The following NAV3 variants were observed in gnomAD, a reference collection of about 807,000 sequenced individuals.
NAV3 encodes the protein pore membrane and/or filament interacting like protein 1.
In NAV3, 87 loss-of-function variants were observed where a neutral mutation model predicts 244.7. The ratio of observed to expected loss-of-function variants is 0.36; its 90% CI spans 0.30 to 0.42. NAV3 has a LOEUF of 0.42. Among genes scored for constraint, NAV3 ranks in the 20% least tolerant of loss-of-function variants. The pLI, the probability that NAV3 is intolerant of heterozygous loss-of-function variation, is 1.00. For synonymous variants in NAV3, 1,126 were observed against 1,042.2 expected, an observed-to-expected ratio of 1.08 and a Z score of -1.55; for missense variants, 2,663 against 2,893.3, an observed-to-expected ratio of 0.92 and a Z score of 1.83.
intron 7 of NAV3, among the ~76,000 whole-genome samples, chr12:77,999,784 C>T (rs910523314): frequency 1.3e-5 from 2 of 151,354 alleles, no homozygotes; most frequent in Non-Finnish European, 2.9e-5. Flanking sequence ...AGGTGACAGT[C>T]GCTCATCAGA....
At chr12:78,053,133 A>G (rs1057000031) in intron 11 of NAV3, among the ~76,000 whole-genome samples, 2 of 151,758 alleles carry the variant, frequency 1.3e-5, no homozygotes, top group Non-Finnish European at 2.9e-5. Context: ...GAACCACCTG[A>G]AACCGGGAGG....
intron 2 of NAV3, among the ~76,000 whole-genome samples, chr12:77,685,473 GCACACACACACACACACA>G (rs778398842): frequency 2.3e-5 from 1 of 42,594 alleles, no homozygotes; most frequent in African/African-American, 4.8e-5. Context: ...GCATACACAT[GCACACACACACACACACA>G]CACACACACA....
At chr12:78,151,000 C>T (rs894527428) in intron 22 of NAV3, among the ~76,000 whole-genome samples, 10 of 151,336 alleles carry the variant, frequency 6.6e-5, no homozygotes, top group East Asian at 3.9e-4. Context: ...TAAAATATCA[C>T]GAAGAAGAGC....
chr12:77,720,527 T>C (rs1461458202), intron 2 of NAV3, among the ~76,000 whole-genome samples: 4 of 152,104 alleles, frequency 2.6e-5, no homozygotes, highest in African/African-American at 9.7e-5. Flanking sequence ...CAGCTCTCCA[T>C]TCTTTTCAGC....
At chr12:77,810,543 A>G (rs772471753) in intron 2 of NAV3, among the ~76,000 whole-genome samples, 2 of 152,220 alleles carry the variant, frequency 1.3e-5, no homozygotes, top group African/African-American at 2.4e-5. Flanking sequence ...TTAAATTGAC[A>G]CATTATTCCA....
chr12:77,903,336 G>A (rs941141233), intron 1 of NAV3, among the ~76,000 whole-genome samples: 11 of 152,096 alleles, frequency 7.2e-5, no homozygotes, highest in African/African-American at 2.7e-4. Flanking sequence ...CAGAAATAAT[G>A]CCGCATATCT....
In NAV3 at chr12:78,059,036, C is replaced by A. The variant is rs1883918698; in HGVS notation, c.2557C>A (p.Leu853Met). 6.2e-7 allele frequency: 1 copy of A among 1,610,452 alleles called. No homozygotes were observed. The highest frequency in any genetic ancestry group is 8.5e-7 in the Non-Finnish European group (1 of 1,178,264). Residue 853 changes from leucine (L) to methionine (M), a missense_variant, in exon 12 of 40, where the codon CTG becomes ATG. By Grantham distance (15) the Leu-to-Met change is conservative (BLOSUM62 2). Transcript: ENST00000397909. ...AGGACTTAACCTATATACTAGAAGT[C>A]TGAACCGAATACCAGACACAGCAAC... ...DGGLNLYTRS[L>M]NRIPDTATSR...
intron 5 of NAV3, among the ~76,000 whole-genome samples, chr12:77,984,362 C>G (rs1015958419): frequency 2.6e-5 from 4 of 152,036 alleles, no homozygotes; most frequent in Admixed American, 1.3e-4. Flanking sequence ...TAAGTGAGAA[C>G]CAAGGGATGT....
At chr12:78,021,647 A>G (rs929443620) in intron 8 of NAV3, 100 bp from the exon 9 acceptor site, 2 of 772,246 alleles carry the variant, frequency 2.6e-6, no homozygotes, top group African/African-American at 1.7e-5. Flanking sequence ...ACTTACCTTG[A>G]TGGAAAATTT....
At chr12:77,940,294 C>A (rs1262304380) in intron 1 of NAV3, 25 bp from the exon 2 acceptor site, 1 of 1,570,264 alleles carries the variant, frequency 6.4e-7, no homozygotes, top group Non-Finnish European at 8.7e-7. Context: ...CCCCATCTCA[C>A]TTTTTCCTTC....
At chr12:78,098,623 A>G (rs1028878597) in intron 12 of NAV3, among the ~76,000 whole-genome samples, 6 of 152,070 alleles carry the variant, frequency 3.9e-5, no homozygotes, top group East Asian at 1.9e-4. Context: ...AGAAAGATTT[A>G]TGGAGTTGAC....
intron 2 of NAV3, among the ~76,000 whole-genome samples, chr12:77,650,045 T>C (rs1872757772): frequency 6.6e-6 from 1 of 152,198 alleles, no homozygotes; most frequent in Non-Finnish European, 1.5e-5. Context: ...TAAGTTTGCC[T>C]TCCCTAGATT....
At chr12:77,886,128 G>T (rs1051329190) in intron 1 of NAV3, among the ~76,000 whole-genome samples, 14 of 152,142 alleles carry the variant, frequency 9.2e-5, no homozygotes, top group South Asian at 4.1e-4. Context: ...TTCAACTGCT[G>T]CCTGAGAAAT....
intron 11 of NAV3, among the ~76,000 whole-genome samples, chr12:78,055,994 T>C (rs1883445961): frequency 6.6e-6 from 1 of 152,202 alleles, no homozygotes; most frequent in African/African-American, 2.4e-5. Flanking sequence ...CTAACATCTT[T>C]CAAAAAAGTC....
intron 1 of NAV3, among the ~76,000 whole-genome samples, chr12:77,895,149 G>A (rs985099119): frequency 8.6e-5 from 13 of 151,986 alleles, no homozygotes; most frequent in African/African-American, 3.1e-4. Flanking sequence ...AATTCTCACA[G>A]ATTCACCTAA....
intron 3 of NAV3, among the ~76,000 whole-genome samples, chr12:77,944,327 T>G (rs1318898344): frequency 2.6e-5 from 4 of 152,094 alleles, no homozygotes; most frequent in African/African-American, 9.7e-5. Flanking sequence ...CCTAGATGCT[T>G]TATGGGGATT....
intron 1 of NAV3, among the ~76,000 whole-genome samples, chr12:77,855,811 T>C (rs1006407711): frequency 6.6e-6 from 1 of 152,188 alleles, no homozygotes; most frequent in South Asian, 2.1e-4. Flanking sequence ...TGCCAGCACA[T>C]TGCAGATACG....
intron 2 of NAV3, among the ~76,000 whole-genome samples, chr12:77,652,388 T>A (rs1489527092): frequency 6.6e-6 from 1 of 152,202 alleles, no homozygotes; most frequent in Non-Finnish European, 1.5e-5. Flanking sequence ...CTCTTTATTG[T>A]ACTACTTCTG....
At chr12:78,064,392 T>C (rs958805472) in intron 12 of NAV3, among the ~76,000 whole-genome samples, 1 of 147,888 alleles carries the variant, frequency 6.8e-6, no homozygotes, top group African/African-American at 2.5e-5. Context: ...CATCTATCTA[T>C]CTGTGTCTGT....
Sources: allele counts gnomAD v4.1 joint callset (sites outside exome capture counted in the v4.1 genomes callset), GRCh38; gene constraint gnomAD v4.1.1; transcripts MANE v1.5; gene names NCBI Gene and HGNC (gene_info 2026-07-23, HGNC 2026-07-21).